IGF2BP3: variants seen among roughly 807,000 people sequenced by gnomAD.
IGF2BP3 encodes the protein insulin-like growth factor 2 mRNA-binding protein 3.
Under a neutral mutation model 73.8 loss-of-function variants are expected in IGF2BP3, and 9 were observed. The ratio of observed to expected loss-of-function variants is 0.12; its 90% CI spans 0.07 to 0.21. The LOEUF is 0.21. Ranked by LOEUF, IGF2BP3 falls within the 10% of genes least tolerant of loss-of-function variation. The pLI is 1.00. For missense variants in IGF2BP3, 542 were observed against 714.0 expected (o/e 0.76, Z 2.75); for synonymous variants, 258 against 256.7 (o/e 1.01, Z -0.05).
At chr7:23,322,151 G>A (rs1784173916) in intron 10 of IGF2BP3, among the ~76,000 whole-genome samples, 1 of 152,124 alleles carries the variant, frequency 6.6e-6, no homozygotes, top group Non-Finnish European at 1.5e-5. Context: ...CAAACCAAAG[G>A]CAAAGAAGTT....
At chr7:23,437,355 C>T (rs973854004) in intron 2 of IGF2BP3, among the ~76,000 whole-genome samples, 26 of 151,936 alleles carry the variant, frequency 1.7e-4, no homozygotes, top group African/African-American at 6.0e-4. Context: ...TGGTGGCAGG[C>T]ACCTGTAATC....
intron 6 of IGF2BP3, among the ~76,000 whole-genome samples, chr7:23,349,456 C>T (rs1341726329): frequency 2.0e-5 from 3 of 152,146 alleles, no homozygotes; most frequent in Non-Finnish European, 4.4e-5. Context: ...GTCATCTTCC[C>T]GGCTGCTGTT....
chr7:23,385,400 A>G (rs1465235080), intron 3 of IGF2BP3, among the ~76,000 whole-genome samples: 1 of 152,234 alleles, frequency 6.6e-6, no homozygotes, highest in Non-Finnish European at 1.5e-5. Context: ...AAAAATACTG[A>G]TGCCTGGATC....
At chr7:23,326,907 G>C (rs941441102) in intron 10 of IGF2BP3, among the ~76,000 whole-genome samples, 1 of 129,828 alleles carries the variant, frequency 7.7e-6, no homozygotes, top group Non-Finnish European at 1.6e-5. Flanking sequence ...TCACACTCTG[G>C]GGACTGTTGT....
At chr7:23,340,714 T>C (rs1161919142) in intron 10 of IGF2BP3, among the ~76,000 whole-genome samples, 1 of 152,210 alleles carries the variant, frequency 6.6e-6, no homozygotes, top group Non-Finnish European at 1.5e-5. Context: ...TTAACTACTT[T>C]CAAAATAATT....
rs185427333 is a variant in IGF2BP3, at chr7:23,391,025, T to C, written c.285+27751A>G. 3.8e-3 allele frequency among the ~76,000 whole-genome samples: 581 copies of C among 151,830 alleles called. 5 individuals carry two copies. Among genetic ancestry groups the C allele is most frequent in the African/African-American group, 0.013 (542 of 41,418 alleles). Reference sequence around the variant, plus strand: ...TGTTAGCCAGGGTAGTCTTGAACCCTTGGCCTCAAGTGATCTGCCCGTCTC... The same window carrying C: ...TGTTAGCCAGGGTAGTCTTGAACCCCTGGCCTCAAGTGATCTGCCCGTCTC... On this transcript the variant is annotated intron_variant, in intron 3 of 14. Transcript: ENST00000258729.
intron 1 of IGF2BP3, 100 bp from the exon 2 acceptor site, chr7:23,468,642 G>A: frequency 8.3e-7 from 1 of 1,210,766 alleles, no homozygotes; most frequent in South Asian, 1.2e-5. Context: ...GCCTCCTGAG[G>A]CCCTCGAAGG....
chr7:23,443,820 T>G (rs1787993392), intron 2 of IGF2BP3, among the ~76,000 whole-genome samples: 1 of 151,560 alleles, frequency 6.6e-6, no homozygotes, highest in Admixed American at 6.6e-5. Flanking sequence ...CCATCCTGGC[T>G]AACACGGTGA....
chr7:23,369,824 A>C (rs1197647537), intron 3 of IGF2BP3, among the ~76,000 whole-genome samples: 2 of 152,104 alleles, frequency 1.3e-5, no homozygotes, highest in Non-Finnish European at 2.9e-5. Flanking sequence ...GCTGTATTTT[A>C]GTTGATACCA....
At chr7:23,463,254 G>A (rs774270297) in intron 2 of IGF2BP3, among the ~76,000 whole-genome samples, 2 of 152,186 alleles carry the variant, frequency 1.3e-5, no homozygotes, top group Non-Finnish European at 2.9e-5. Context: ...TTATAATGGA[G>A]TCACTTCAAA....
intron 3 of IGF2BP3, among the ~76,000 whole-genome samples, chr7:23,407,883 A>T (rs1473254201): frequency 6.8e-6 from 1 of 146,554 alleles, no homozygotes. Flanking sequence ...AAAAAGAATA[A>T]AATACCACAA....
chr7:23,386,652 C>T (rs564599450), intron 3 of IGF2BP3, among the ~76,000 whole-genome samples: 8 of 152,292 alleles, frequency 5.3e-5, no homozygotes, highest in Admixed American at 2.6e-4. Context: ...TTTATGTAGA[C>T]GGTCCACCCT....
At chr7:23,432,560 C>A (rs1483725521) in intron 2 of IGF2BP3, among the ~76,000 whole-genome samples, 2 of 151,888 alleles carry the variant, frequency 1.3e-5, no homozygotes, top group Non-Finnish European at 2.9e-5. Context: ...ACAAACTAAT[C>A]CTTGATCCCT....
At chr7:23,423,569 GTTATC>G (rs1787411312) in intron 2 of IGF2BP3, among the ~76,000 whole-genome samples, 1 of 152,152 alleles carries the variant, frequency 6.6e-6, no homozygotes, top group East Asian at 1.9e-4. Context: ...GACTAATTAG[GTTATC>G]TTGTTTGTTG....
chr7:23,390,900 G>C (rs906169379), intron 3 of IGF2BP3, among the ~76,000 whole-genome samples: 10 of 150,520 alleles, frequency 6.6e-5, no homozygotes, highest in Non-Finnish European at 1.3e-4. Context: ...CTGGGTTCAA[G>C]CAATTCTCCT....
chr7:23,331,239 TAA>T (rs1411224219), intron 10 of IGF2BP3, among the ~76,000 whole-genome samples: 4 of 152,262 alleles, frequency 2.6e-5, no homozygotes, highest in Non-Finnish European at 5.9e-5. Flanking sequence ...CTGTCAATTT[TAA>T]AAGTTTGTGC....
intron 3 of IGF2BP3, chr7:23,362,653 C>T (rs1785261193): frequency 2.0e-5 from 3 of 152,212 alleles, no homozygotes; most frequent in African/African-American, 7.2e-5. Flanking sequence ...AAACCAAATT[C>T]AGGTGTCCTT....
chr7:23,384,847 T>G (rs1786032238), intron 3 of IGF2BP3, among the ~76,000 whole-genome samples: 1 of 152,084 alleles, frequency 6.6e-6, no homozygotes, highest in Non-Finnish European at 1.5e-5. Context: ...GCCAGGATCG[T>G]AACACTGTAC....
intron 3 of IGF2BP3, among the ~76,000 whole-genome samples, chr7:23,380,157 C>CTTTTTT (rs10571084): frequency 1.8e-4 from 13 of 71,798 alleles, no homozygotes; most frequent in Non-Finnish European, 2.8e-4. Context: ...CACTATGCCT[C>CTTTTTT]TTTTTTTTTT....
Sources: gnomAD v4.1 joint callset for allele counts (sites outside exome capture counted in the v4.1 genomes callset) on GRCh38, gnomAD v4.1.1 for gene constraint, MANE v1.5 for transcripts, NCBI Gene and HGNC (gene_info 2026-07-23, HGNC 2026-07-21) for gene names.